Variants in ACSS1 observed in about 807,000 individuals in gnomAD.
ACSS1 encodes acyl-CoA synthetase short chain family member 1.
ACSS1 carries 42 observed loss-of-function variants against 75.3 expected under a neutral mutation model. The ratio of observed to expected loss-of-function variants is 0.56; its 90% CI spans 0.44 to 0.72. The LOEUF (loss-of-function observed/expected upper bound fraction) is 0.72. ACSS1 is among the 30% of genes least tolerant of loss of function. The pLI is 0.00. For synonymous variants in ACSS1, 380 were observed against 376.8 expected (o/e 1.01, Z -0.10); for missense variants, 782 against 935.7 (o/e 0.84, Z 2.14).
chr20:25,009,168 T>A, intron 13 of ACSS1, 102 bp downstream of exon 13: 2 of 1,054,988 alleles, frequency 1.9e-6, no homozygotes, highest in Non-Finnish European at 2.9e-6. Flanking sequence ...TCCGTTTTGA[T>A]GCTAATTGGA....
intron 5 of ACSS1, among the ~76,000 whole-genome samples, chr20:25,022,397 A>C (rs1433168844): frequency 6.6e-6 from 1 of 150,700 alleles, no homozygotes; most frequent in African/African-American, 2.5e-5. Flanking sequence ...AAACAAAAGA[A>C]AAAACAATAT....
At chr20:25,049,494 G>A (rs554569822) in intron 1 of ACSS1, among the ~76,000 whole-genome samples, 20 of 152,242 alleles carry the variant, frequency 1.3e-4, no homozygotes, top group Non-Finnish European at 2.2e-4. Context: ...GGGCAGATTC[G>A]AAGCCCCTGC....
chr20:25,011,617 A>T (rs1445823216), intron 12 of ACSS1: 2 of 152,290 alleles, frequency 1.3e-5, no homozygotes, highest in African/African-American at 4.8e-5. Context: ...TGGACATGTC[A>T]CCGGGCAGGG....
At chr20:25,031,146 G>T (rs1436223527) in intron 2 of ACSS1, 188 bp from the exon 3 acceptor site, 4 of 702,344 alleles carry the variant, frequency 5.7e-6, no homozygotes, top group Non-Finnish European at 7.6e-6. Flanking sequence ...AACATTTGTA[G>T]ATTGCTATTG....
chr20:25,014,585 C>T lies in ACSS1; in HGVS notation c.1340-512G>A, dbSNP rs375316018. Among the ~76,000 whole-genome samples the T allele has an allele frequency of 1.6e-4, 25 of 152,284 alleles. 1 individual carries two copies. Among genetic ancestry groups the T allele is most frequent in the African/African-American group, 6.0e-4 (25 of 41,552 alleles). On this transcript the variant is annotated intron_variant, in intron 8 of 13. Coordinates refer to ENST00000323482, the MANE Select transcript of ACSS1 (RefSeq NM_032501.4). The stretch of plus-strand genomic sequence containing the variant: ...TCATTTTCTGGCTTGAGGATGAGCC[C>T]TCAGATAGTTACATTCATTACATCT...
rs966995657 is a variant in ACSS1, at chr20:25,024,791, G to T, written c.632-1150C>A. ...AGGCCCACCCTTTCTCCTCCTAAGA[G>T]CCCTGGAGATGTCATGGCCATGAGG... On this transcript the variant is annotated intron_variant, in intron 3 of 13. Transcript: ENST00000323482. Among the ~76,000 whole-genome samples the T allele has an allele frequency of 2.6e-5, 4 of 152,150 alleles. No homozygotes were observed. In the East Asian group the frequency reaches 7.7e-4, roughly 29 times the overall value.
Position 25,041,524 on chromosome 20 carries a change from T to A in ACSS1, c.431+6561A>T, listed in dbSNP as rs188903791. ...CCACCGCACGTGGCCTTGCAGCTCA[T>A]CCCTGTTCAAAGGCACTACCCCAGG... is the stretch of plus-strand genomic sequence containing the variant. On this transcript the variant is annotated intron_variant, in intron 2 of 13. Coordinates refer to ENST00000323482, the MANE Select transcript of ACSS1 (RefSeq NM_032501.4). Among the ~76,000 whole-genome samples, 333 of 152,254 alleles carry A rather than the reference T, an allele frequency of 2.2e-3. 1 individual carries two copies. Among genetic ancestry groups the A allele is most frequent in the African/African-American group, 7.6e-3 (314 of 41,552 alleles).
intron 7 of ACSS1, among the ~76,000 whole-genome samples, chr20:25,017,957 G>A (rs543987148): frequency 5.9e-5 from 9 of 152,272 alleles, no homozygotes; most frequent in Admixed American, 2.0e-4. Flanking sequence ...TGGCCACCCC[G>A]CTGTTTGTTC....
Position 25,015,038 on chromosome 20 carries a change from A to G in ACSS1, c.1339+100T>C, listed in dbSNP as rs2088491456. Reference sequence around the variant, plus strand: ...AGTCTCGGGCGTTGAAGCGTCTTCTATCGCACCTGCTGTTGAGAGCTTGGA... The same window carrying G: ...AGTCTCGGGCGTTGAAGCGTCTTCTGTCGCACCTGCTGTTGAGAGCTTGGA... On this transcript the variant is annotated intron_variant, in intron 8 of 13. Transcript: ENST00000323482. 9 of 1,046,338 alleles carry G rather than the reference A, an allele frequency of 8.6e-6. No homozygotes were observed. In the South Asian group the frequency reaches 1.1e-4, roughly 13 times the overall value. 64.8% of individuals were successfully genotyped at this position (1,046,338 alleles called of 1,614,324 possible).
intron 2 of ACSS1, chr20:25,046,861 T>A: frequency 1.3e-6 from 1 of 779,716 alleles, no homozygotes; most frequent in Non-Finnish European, 2.4e-6. Flanking sequence ...ACACGGCATC[T>A]GCAACCAGGG....
Position 25,023,176 on chromosome 20 carries a change from C to T in ACSS1, c.808-84G>A, listed in dbSNP as rs1254861807. ...ACTCCCCCTCCGCAGCAGGACTCCA[C>T]ACACAGGATTCAGAATTCACCTGCT... On this transcript the variant is annotated intron_variant, in intron 4 of 13. Transcript: ENST00000323482. 2.7e-6 allele frequency: 4 copies of T among 1,483,952 alleles called. No homozygotes were observed. The Admixed American group carries it at 6.4e-5, about 24-fold the overall frequency. 91.9% of individuals were successfully genotyped at this position (1,483,952 alleles called of 1,614,324 possible).
intron 1 of ACSS1, among the ~76,000 whole-genome samples, chr20:25,054,905 TAA>T: frequency 6.6e-6 from 1 of 152,184 alleles, no homozygotes; most frequent in East Asian, 1.9e-4. Flanking sequence ...GAAAGATAGC[TAA>T]ATCTCCAAAC....
At chr20:25,021,077 G>A (rs1434949332) in intron 6 of ACSS1, among the ~76,000 whole-genome samples, 1 of 152,242 alleles carries the variant, frequency 6.6e-6, no homozygotes, top group African/African-American at 2.4e-5. Flanking sequence ...ATCTGGGCAA[G>A]CAGCCTAGAG....
intron 5 of ACSS1, 41 bp from the exon 6 acceptor site, chr20:25,021,577 A>AC: frequency 6.2e-7 from 1 of 1,601,102 alleles, no homozygotes; most frequent in Non-Finnish European, 8.5e-7. Flanking sequence ...TTGTCCCCCC[A>AC]CTCCACCATG....
At chr20:25,008,554 A>G (rs1307041182) in intron 13 of ACSS1, among the ~76,000 whole-genome samples, 3 of 152,186 alleles carry the variant, frequency 2.0e-5, no homozygotes, top group East Asian at 3.9e-4. Flanking sequence ...TGTAATACCA[A>G]GTGGATCCTG....
chr20:25,013,931 G>T, intron 9 of ACSS1, 30 bp downstream of exon 9: 9 of 1,585,450 alleles, frequency 5.7e-6, no homozygotes, highest in Non-Finnish European at 7.8e-6. Context: ...GCAAGCACAT[G>T]ACCCCCATGT....
At chr20:25,040,994 C>T (rs1481174525) in intron 2 of ACSS1, among the ~76,000 whole-genome samples, 2 of 152,260 alleles carry the variant, frequency 1.3e-5, no homozygotes, top group Admixed American at 1.3e-4. Flanking sequence ...CGCAGTGGCT[C>T]ATGCCTGTAA....
intron 2 of ACSS1, among the ~76,000 whole-genome samples, chr20:25,035,152 C>T (rs535594576): frequency 1.3e-5 from 2 of 152,186 alleles, no homozygotes; most frequent in South Asian, 4.1e-4. Flanking sequence ...GCCTTGGCCT[C>T]CCGAAGTGCT....
Position 25,009,368 on chromosome 20 carries a change from C to T in ACSS1, c.1792G>A (p.Val598Met). The T allele has an allele frequency of 6.2e-7, 1 of 1,614,156 alleles. No homozygotes were observed. The highest frequency in any genetic ancestry group is 8.5e-7 in the Non-Finnish European group (1 of 1,180,018). The change falls in exon 13 of 14, where the codon GTG becomes ATG. Residue 598 changes from valine to methionine, a missense_variant. By Grantham distance (21) the Val-to-Met change is conservative (BLOSUM62 1). Transcript: ENST00000323482. Reference sequence around the variant, plus strand: ...TCTGAGTCACCCGCACTATCTTTCACCACAATGAAGGCAAAGGCAGCTGAA... The same window carrying T: ...TCTGAGTCACCCGCACTATCTTTCATCACAATGAAGGCAAAGGCAGCTGAA... ...KGEAAFAFIV[V>M]KDSAGDSDVV...
Sources: gnomAD v4.1 joint callset for allele counts (sites outside exome capture counted in the v4.1 genomes callset) on GRCh38, gnomAD v4.1.1 for gene constraint, MANE v1.5 for transcripts, NCBI Gene and HGNC (gene_info 2026-07-23, HGNC 2026-07-21) for gene names.